Variants in CDC14A observed in about 807,000 individuals in gnomAD.
The protein encoded by CDC14A is dual specificity protein phosphatase CDC14A.
CDC14A carries 53 observed loss-of-function variants against 74.4 expected under a neutral mutation model. The observed-to-expected ratio is 0.71, with a 90% CI of 0.57 to 0.89. CDC14A has a LOEUF of 0.89. CDC14A is among the 40% of genes least tolerant of loss of function. The pLI is 0.00. For missense variants in CDC14A, 646 were observed against 713.7 expected, an observed-to-expected ratio of 0.91 and a Z score of 1.08; for synonymous variants, 247 against 258.4, an observed-to-expected ratio of 0.96 and a Z score of 0.43.
chr1:100,435,529 C>T (rs908135932), intron 5 of CDC14A, among the ~76,000 whole-genome samples: 7 of 152,186 alleles, frequency 4.6e-5, no homozygotes, highest in African/African-American at 1.4e-4. Context: ...GAATTGTACA[C>T]TTTAAAAAGG....
rs1654208114 is a variant in CDC14A at position 100,369,873 on chromosome 1, T to G, written c.141-7673T>G. Among the ~76,000 whole-genome samples, 5 of 151,808 alleles carry G rather than the reference T, an allele frequency of 3.3e-5. 1 individual carries two copies. In the South Asian group the frequency reaches 1.0e-3, roughly 32 times the overall value. On this transcript the variant is annotated intron_variant, in intron 2 of 15. Coordinates refer to ENST00000336454, the MANE Select transcript of CDC14A (RefSeq NM_003672.4). ...ACACCTAAGTTGGAGTGCTGTGGCATAATCATGGCTAACTGCAGCCTTGAC... is the reference window on the plus strand; with the variant it reads ...ACACCTAAGTTGGAGTGCTGTGGCAGAATCATGGCTAACTGCAGCCTTGAC...
Position 100,519,724 on chromosome 1 carries a change from A to G in CDC14A, c.*1444A>G, listed in dbSNP as rs969221916. 4 of 152,552 alleles carry G rather than the reference A, an allele frequency of 2.6e-5. No homozygotes were observed. Among genetic ancestry groups the G allele is most frequent in the African/African-American group, 9.7e-5 (4 of 41,426 alleles). The allele number at this position is 152,552 out of a possible 1,614,324, so 9.4% of individuals were successfully genotyped here. A position where few individuals can be genotyped will look rare whatever the true frequency, so the allele number is the denominator to read the frequency against. On this transcript the variant is annotated 3_prime_UTR_variant, in exon 16 of 16. Transcript: ENST00000336454. ...CAGTAACTGCAGTACCAAAAATTAC[A>G]CTCAACTGATGAAAAAAACGAATTG...
At chr1:100,390,665 T>A in intron 3 of CDC14A, 67 bp from the exon 4 acceptor site, 1 of 980,728 alleles carries the variant, frequency 1.0e-6, no homozygotes, top group Non-Finnish European at 1.6e-6. Flanking sequence ...AGAGATGATG[T>A]TTGCCTTCTG....
intron 4 of CDC14A, among the ~76,000 whole-genome samples, chr1:100,417,995 G>A (rs984688274): frequency 6.6e-6 from 1 of 152,106 alleles, no homozygotes; most frequent in Non-Finnish European, 1.5e-5. Context: ...AGCTGTGAGG[G>A]GCCCATCAGG....
chr1:100,420,055 C>CATATAT (rs1158640575), intron 4 of CDC14A, among the ~76,000 whole-genome samples: 23 of 21,020 alleles, frequency 1.1e-3, no homozygotes, highest in Admixed American at 0.01. Context: ...CACACACACA[C>CATATAT]ACACACACAT....
rs984040225 is a variant in CDC14A at position 100,458,759 on chromosome 1, T to C, written c.607+3267T>C. Among the ~76,000 whole-genome samples, 23 of 151,874 alleles carry C rather than the reference T, an allele frequency of 1.5e-4. 1 individual carries two copies. Among genetic ancestry groups the C allele is most frequent in the South Asian group, 1.5e-3 (7 of 4,808 alleles). On this transcript the variant is annotated intron_variant, in intron 8 of 15. Coordinates refer to ENST00000336454, the MANE Select transcript of CDC14A (RefSeq NM_003672.4). ...GGCTGAAAGTCATTTTAGAGGCTCG[T>C]TAGAAAAGCTGAGGTTTTAAAGAAG...
intron 2 of CDC14A, chr1:100,363,073 C>G (rs754108537): frequency 6.6e-6 from 1 of 152,188 alleles, no homozygotes; most frequent in Non-Finnish European, 1.5e-5. Context: ...GTGACGTTTA[C>G]GTAGTGGGTG....
In CDC14A at chr1:100,390,960, G is replaced by A. The variant is rs1009801186; in HGVS notation, c.309+136G>A. The A allele has an allele frequency of 4.2e-6, 3 of 709,692 alleles. No individual in the cohort carries two copies. In the African/African-American group the frequency reaches 5.2e-5, roughly 12 times the overall value. 44.0% of individuals were successfully genotyped at this position (709,692 alleles called of 1,614,324 possible). ...TTAGCAGTTTGGGAATTGATCTGTA[G>A]TGAGAAATATGGACTAGCAGTGGTG... On this transcript the variant is annotated intron_variant, in intron 4 of 15. Transcript: ENST00000336454.
chr1:100,430,024 C>G (rs1195505003), intron 5 of CDC14A, among the ~76,000 whole-genome samples: 4 of 151,892 alleles, frequency 2.6e-5, no homozygotes, highest in African/African-American at 9.7e-5. Flanking sequence ...TGCATCTGGC[C>G]CAGAATTTTA....
chr1:100,515,196 TGACCCA>T (rs894804361), intron 15 of CDC14A, among the ~76,000 whole-genome samples: 1 of 152,126 alleles, frequency 6.6e-6, no homozygotes, highest in Admixed American at 6.5e-5. Context: ...TGAGTACAAA[TGACCCA>T]GAGAGACCGT....
chr1:100,354,958 G>A (rs969902736), intron 2 of CDC14A, among the ~76,000 whole-genome samples: 1 of 152,212 alleles, frequency 6.6e-6, no homozygotes, highest in African/African-American at 2.4e-5. Context: ...AGAGGTTCTT[G>A]AAACTGAGGT....
At chr1:100,495,742 G>T (rs1266022153) in intron 12 of CDC14A, among the ~76,000 whole-genome samples, 1 of 152,160 alleles carries the variant, frequency 6.6e-6, no homozygotes, top group East Asian at 1.9e-4. Context: ...TAACACTGTA[G>T]TCAGATTGGG....
chr1:100,476,616 T>TA (rs1192576457), intron 10 of CDC14A, among the ~76,000 whole-genome samples: 3 of 151,540 alleles, frequency 2.0e-5, no homozygotes, highest in Non-Finnish European at 4.4e-5. Flanking sequence ...AGTCTTGTTT[T>TA]TTTTTTTAAA....
At position 100,377,482 on chromosome 1, in the gene CDC14A, A is replaced by G. The variant is rs947022885; in HGVS notation, c.141-64A>G. The G allele has an allele frequency of 9.9e-6, 10 of 1,014,812 alleles. No individual in the cohort carries two copies. In the African/African-American group the frequency reaches 1.3e-4, roughly 13 times the overall value. The allele number at this position is 1,014,812 out of a possible 1,614,324, so 62.9% of individuals were successfully genotyped here. A position where few individuals can be genotyped will look rare whatever the true frequency, so the allele number is the denominator to read the frequency against. On this transcript the variant is annotated intron_variant, in intron 2 of 15. Transcript: ENST00000336454. ...AAATTTAATGAAATTAAAGATGAAC[A>G]TTGATGTTACTGAAAATTATACTTT... is the stretch of plus-strand genomic sequence containing the variant.
At chr1:100,492,351 C>A (rs966022361) in intron 11 of CDC14A, among the ~76,000 whole-genome samples, 1 of 152,194 alleles carries the variant, frequency 6.6e-6, no homozygotes, top group African/African-American at 2.4e-5. Flanking sequence ...TCTGGACCCA[C>A]TTCCAAAGGG....
intron 15 of CDC14A, among the ~76,000 whole-genome samples, chr1:100,515,671 C>T (rs1386190977): frequency 1.3e-5 from 2 of 151,756 alleles, no homozygotes; most frequent in Non-Finnish European, 2.9e-5. Flanking sequence ...AGGTGTGAGC[C>T]ACTGTGGCCC....
intron 15 of CDC14A, among the ~76,000 whole-genome samples, chr1:100,507,636 CCT>C (rs1289663882): frequency 1.3e-5 from 2 of 151,604 alleles, no homozygotes; most frequent in African/African-American, 4.9e-5. Flanking sequence ...CTGCCTTTCC[CCT>C]TATTTCCCTT....
chr1:100,387,692 T>C lies in CDC14A; in HGVS notation c.217-3040T>C, dbSNP rs140519169. Among the ~76,000 whole-genome samples, 795 of 152,322 alleles carry C rather than the reference T, an allele frequency of 5.2e-3. 7 individuals are homozygous for C. The highest frequency in any genetic ancestry group is 0.018 in the African/African-American group (762 of 41,576). On this transcript the variant is annotated intron_variant, in intron 3 of 15. Coordinates refer to ENST00000336454, the MANE Select transcript of CDC14A (RefSeq NM_003672.4). The stretch of plus-strand genomic sequence containing the variant: ...AAATCTTTAAAGTGTTAATTTGTAT[T>C]ATATTTACTTAAATAATATTTATAG...
chr1:100,411,930 T>C (rs1571109869), intron 4 of CDC14A, among the ~76,000 whole-genome samples: 1 of 152,236 alleles, frequency 6.6e-6, no homozygotes, highest in East Asian at 1.9e-4. Context: ...GTGGTGATGC[T>C]GATAAAGAGG....
Sources: allele counts gnomAD v4.1 joint callset (sites outside exome capture counted in the v4.1 genomes callset), GRCh38; gene constraint gnomAD v4.1.1; transcripts MANE v1.5; gene names NCBI Gene and HGNC (gene_info 2026-07-23, HGNC 2026-07-21).